ZNF7: variants seen among roughly 807,000 people sequenced by gnomAD.
ZNF7 encodes C2-H2 type zinc finger protein.
Under a neutral mutation model 12.0 loss-of-function variants are expected in ZNF7, and 10 were observed. The ratio of observed to expected loss-of-function variants is 0.83; its 90% confidence interval spans 0.51 to 1.42. The LOEUF (loss-of-function observed/expected upper bound fraction) is 1.42, where lower values mean the gene tolerates loss of function less well. Among genes scored for constraint, ZNF7 ranks in the 40% most tolerant of loss-of-function variants. The pLI is 0.00. For synonymous variants in ZNF7, 334 were observed against 295.0 expected (o/e 1.13, Z -1.35); for missense variants, 854 against 837.2 (o/e 1.02, Z -0.25).
chr8:144,829,229 A>G, intron 2 of ZNF7, 139 bp downstream of exon 2: 5 of 1,558,712 alleles, frequency 3.2e-6, no homozygotes, highest in Non-Finnish European at 4.3e-6. Context: ...ACCCCAAGGT[A>G]GTGAGCAAAC....
At chr8:144,837,737 C>T (rs1043607785) in intron 4 of ZNF7, among the ~76,000 whole-genome samples, 3 of 152,194 alleles carry the variant, frequency 2.0e-5, no homozygotes, top group African/African-American at 7.2e-5. Context: ...CCATGCATTT[C>T]CACAAAAACG....
At chr8:144,840,084 G>A (rs1376025330) in intron 4 of ZNF7, among the ~76,000 whole-genome samples, 1 of 152,234 alleles carries the variant, frequency 6.6e-6, no homozygotes, top group South Asian at 2.1e-4. Flanking sequence ...ACAGGCGTGA[G>A]CCACTGCACC....
rs1830210931 is a variant in ZNF7 at position 144,843,266 on chromosome 8, T to C, written c.*98T>C. 1 of 1,379,580 alleles carries C rather than the reference T, an allele frequency of 7.2e-7. No individual in the cohort carries two copies. Among genetic ancestry groups the C allele is most frequent in the Admixed American group, 2.4e-5 (1 of 41,740 alleles). The allele number at this position is 1,379,580 out of a possible 1,614,324, so 85.5% of individuals were successfully genotyped here. ...TTTATACTGACAAACATGTAGAATG[T>C]TGGTAAAGGTTCAGAATTGCTCTCA... On this transcript the variant is annotated 3_prime_UTR_variant, in exon 5 of 5. Transcript: ENST00000532777.
chr8:144,842,374 A>G lies in ZNF7; in HGVS notation c.1267A>G (p.Arg423Gly), dbSNP rs1377558230. The G allele has an allele frequency of 1.2e-6, 2 of 1,613,974 alleles. No homozygotes were observed. Among genetic ancestry groups the G allele is most frequent in the African/African-American group, 2.7e-5 (2 of 74,938 alleles). ...GTGTGATGAGTGTGGGAAAGCTTTT[A>G]GGTGGATCTCTCGCCTGAGTCAGCA... ...FKCDECGKAF[R>G]WISRLSQHQL... The change falls in exon 5 of 5, where the codon AGG becomes GGG. Residue 423 changes from arginine to glycine, a missense_variant. Coordinates refer to ENST00000532777, the MANE Select transcript of ZNF7 (RefSeq NM_003416.4).
At chr8:144,828,248 A>G (rs1015809562) in intron 1 of ZNF7, among the ~76,000 whole-genome samples, 4 of 152,116 alleles carry the variant, frequency 2.6e-5, no homozygotes, top group Non-Finnish European at 4.4e-5. Context: ...GGGCAGGTAG[A>G]GGGTCTGGGG....
rs770515213 is a variant in ZNF7, at chr8:144,842,040, T to C, written c.933T>C (p.Cys311=). ...AGAAGCCCTACAGATGTGAGGAATG[T>C]GGAAAAGCTTTTGGTCAGAGCTCAA... ...TGEKPYRCEE[C]GKAFGQSSSL... The change falls in exon 5 of 5, where the codon TGT becomes TGC. Residue 311 remains cysteine, a synonymous_variant. Transcript: ENST00000532777. 1 of 1,614,106 alleles carries C rather than the reference T, an allele frequency of 6.2e-7. No individual in the cohort carries two copies. The highest frequency in any genetic ancestry group is 1.1e-5 in the South Asian group (1 of 91,078).
At chr8:144,837,342 C>T (rs1367402054) in intron 3 of ZNF7, 49 bp from the exon 4 acceptor site, 2 of 1,513,600 alleles carry the variant, frequency 1.3e-6, no homozygotes, top group South Asian at 2.4e-5. Context: ...CCCTGTGCTG[C>T]ACACTTCCCG....
intron 1 of ZNF7, 55 bp downstream of exon 1, chr8:144,827,664 G>C: frequency 1.0e-6 from 1 of 985,374 alleles, no homozygotes; most frequent in Non-Finnish European, 1.2e-6. Flanking sequence ...AGTGATCCCT[G>C]GTCGCTTCCT....
Position 144,836,977 on chromosome 8 carries a change from C to T in ZNF7, c.131-414C>T, listed in dbSNP as rs115066326. On this transcript the variant is annotated intron_variant, in intron 3 of 4. Transcript: ENST00000532777. Reference sequence around the variant, plus strand: ...ATGTGCTTCGTTTGTGTCTATTCATCGTTGTTTGTTACCTTATTTTGTAAC... The same window carrying T: ...ATGTGCTTCGTTTGTGTCTATTCATTGTTGTTTGTTACCTTATTTTGTAAC... 9.1e-3 allele frequency: 1,420 copies of T among 155,706 alleles called. 27 individuals are homozygous for T. Among genetic ancestry groups the T allele is most frequent in the African/African-American group, 0.033 (1,372 of 41,714 alleles). 9.6% of individuals were successfully genotyped at this position (155,706 alleles called of 1,614,324 possible). A position where few individuals can be genotyped will look rare whatever the true frequency, so the allele number is the denominator to read the frequency against.
Position 144,843,102 on chromosome 8 carries a change from T to C in ZNF7, c.1995T>C (p.Asn665=), listed in dbSNP as rs200395051. The change falls in exon 5 of 5, where the codon AAT becomes AAC. Residue 665 remains asparagine, a synonymous_variant. Coordinates refer to ENST00000532777, the MANE Select transcript of ZNF7 (RefSeq NM_003416.4). ...CCGGGGAGAAGCCTTATAAATGCAATGACTGTGGCAAAGCTTTTAATCGTA... is the reference window on the plus strand; with the variant it reads ...CCGGGGAGAAGCCTTATAAATGCAACGACTGTGGCAAAGCTTTTAATCGTA... The part of the protein sequence containing the change: ...IHTGEKPYKC[N]DCGKAFNRSS... 4.7e-5 allele frequency: 76 copies of C among 1,612,586 alleles called. No individual in the cohort carries two copies. In the East Asian group the frequency reaches 1.5e-3, roughly 32 times the overall value.
intron 4 of ZNF7, 51 bp from the exon 5 acceptor site, chr8:144,841,304 A>G (rs1829879218): frequency 2.0e-6 from 3 of 1,532,270 alleles, no homozygotes; most frequent in East Asian, 4.5e-5. Context: ...TAGTCTTATC[A>G]TTTCTCTGAG....
chr8:144,830,898 C>T (rs577025376), intron 3 of ZNF7: 16 of 457,950 alleles, frequency 3.5e-5, no homozygotes, highest in Admixed American at 7.0e-5. Flanking sequence ...CGTGCCCAGC[C>T]GGAGTAAGGG....
rs1563842032 is a variant in ZNF7 at position 144,841,932 on chromosome 8, G to C, written c.825G>C (p.Glu275Asp). 2 of 1,614,202 alleles carry C rather than the reference G, an allele frequency of 1.2e-6. No individual in the cohort carries two copies. Among genetic ancestry groups the C allele is most frequent in the Non-Finnish European group, 1.7e-6 (2 of 1,180,044 alleles). ...AGCATCAGAGAATCCACACGGGAGA[G>C]AAACCCTTTAAATGCACTGAGTGTG... Reference protein sequence around the residue: ...LNQHQRIHTGEKPFKCTECGK... With the variant: ...LNQHQRIHTGDKPFKCTECGK... The change falls in exon 5 of 5, where the codon GAG becomes GAC. Residue 275 changes from glutamate to aspartate, a missense_variant. Physicochemically the swap from Glu to Asp is conservative, Grantham distance 45 (BLOSUM62 2). Transcript: ENST00000532777.
downstream of ZNF7, among the ~76,000 whole-genome samples, chr8:144,844,703 CTG>C (rs1429172632): frequency 1.9e-5 from 2 of 105,108 alleles, no homozygotes; most frequent in East Asian, 6.4e-4. Context: ...GAGTGTGACT[CTG>C]TATCAAAAAA....
At chr8:144,844,662 T>C (rs1261136537), downstream of ZNF7, among the ~76,000 whole-genome samples, 1 of 133,466 alleles carries the variant, frequency 7.5e-6, no homozygotes, top group Non-Finnish European at 1.5e-5. Context: ...TGAGCCAAGA[T>C]CACGCCACTG....
rs774152794 is a variant in ZNF7 at position 144,842,194 on chromosome 8, C to A, written c.1087C>A (p.Pro363Thr). ...QRTHTGERPY[P>T]CKECGKAFSQ... Reference sequence around the variant, plus strand: ...AACTCACACTGGGGAGAGGCCCTACCCTTGCAAGGAGTGTGGGAAGGCCTT... The same window carrying A: ...AACTCACACTGGGGAGAGGCCCTACACTTGCAAGGAGTGTGGGAAGGCCTT... Residue 363 changes from proline to threonine, a missense_variant, in exon 5 of 5, where the codon CCT becomes ACT. Coordinates refer to ENST00000532777, the MANE Select transcript of ZNF7 (RefSeq NM_003416.4). 9 of 1,613,066 alleles carry A rather than the reference C, an allele frequency of 5.6e-6. No individual in the cohort carries two copies. The East Asian group carries it at 1.6e-4, about 28-fold the overall frequency.
In ZNF7 at chr8:144,842,697, C is replaced by CG; in HGVS notation, c.1592dup (p.Ala533SerfsTer22). ...AGAAGCCCTACGAATGCCTCCAATGCGGAAAAGCCTTCAGTATGAGCACAC... is the reference window on the plus strand; with the variant it reads ...AGAAGCCCTACGAATGCCTCCAATGCGGGAAAAGCCTTCAGTATGAGCACAC... On this transcript the variant is annotated frameshift_variant, in exon 5 of 5. Transcript: ENST00000532777. LOFTEE classifies it low-confidence loss of function (END_TRUNC). 1 of 1,613,888 alleles carries CG rather than the reference C, an allele frequency of 6.2e-7. No homozygotes were observed. The highest frequency in any genetic ancestry group is 8.5e-7 in the Non-Finnish European group (1 of 1,179,966).
chr8:144,839,963 G>A (rs549644852), intron 4 of ZNF7, among the ~76,000 whole-genome samples: 2 of 152,120 alleles, frequency 1.3e-5, no homozygotes, highest in Non-Finnish European at 2.9e-5. Flanking sequence ...TTTTGAGATG[G>A]AGTCTTTGTT....
intron 4 of ZNF7, chr8:144,838,112 G>C (rs1459421287): frequency 1.4e-6 from 1 of 703,008 alleles, no homozygotes; most frequent in East Asian, 2.7e-5. Flanking sequence ...GGCAGCTGGT[G>C]GTTTTCTGGC....
Sources: allele counts gnomAD v4.1 joint callset (sites outside exome capture counted in the v4.1 genomes callset), GRCh38; gene constraint gnomAD v4.1.1; transcripts MANE v1.5; gene names NCBI Gene and HGNC (gene_info 2026-07-23, HGNC 2026-07-21).